HEATR5B: variants seen among roughly 807,000 people sequenced by gnomAD.
HEATR5B encodes the protein HEAT repeat containing 5B.
Under a neutral mutation model 224.1 loss-of-function variants are expected in HEATR5B, and 156 were observed. The ratio of observed to expected loss-of-function variants is 0.70; its 90% confidence interval spans 0.61 to 0.80. The LOEUF (loss-of-function observed/expected upper bound fraction) is 0.80. Among genes scored for constraint, HEATR5B ranks in the 30% least tolerant of loss-of-function variants. The pLI is 0.00. For synonymous variants in HEATR5B, 1,027 were observed against 893.0 expected, an observed-to-expected ratio of 1.15 and a Z score of -2.68; for missense variants, 2,323 against 2,535.5, an observed-to-expected ratio of 0.92 and a Z score of 1.80.
chr2:37,006,996 GAT>G, intron 29 of HEATR5B, 52 bp downstream of exon 29: 1 of 1,548,152 alleles, frequency 6.5e-7, no homozygotes, highest in Non-Finnish European at 8.9e-7. Context: ...TAAAATGAAA[GAT>G]ATGAATTTTC....
At position 36,981,361 on chromosome 2, in the gene HEATR5B, C is replaced by G. The variant is rs1665569998; in HGVS notation, c.*129G>C. 3.4e-6 allele frequency: 2 copies of G among 590,936 alleles called. No homozygotes were observed. The highest frequency in any genetic ancestry group is 6.4e-5 in the South Asian group (2 of 31,176). The allele number at this position is 590,936 out of a possible 1,614,324, so 36.6% of individuals were successfully genotyped here. A position where few individuals can be genotyped will look rare whatever the true frequency, so the allele number is the denominator to read the frequency against. ...GTGGTGTGAGCATTATTTCACTTAA[C>G]CTACTTGGAAGCACTATAATACCAA... is the stretch of plus-strand genomic sequence containing the variant. On this transcript the variant is annotated 3_prime_UTR_variant, in exon 36 of 36. Coordinates refer to ENST00000233099, the MANE Select transcript of HEATR5B (RefSeq NM_019024.3).
At chr2:37,051,341 C>T (rs372973319) in intron 17 of HEATR5B, among the ~76,000 whole-genome samples, 10 of 104,622 alleles carry the variant, frequency 9.6e-5, no homozygotes, top group African/African-American at 3.2e-4. Flanking sequence ...GGCAACAGGG[C>T]GAAACTCCAT....
intron 26 of HEATR5B, among the ~76,000 whole-genome samples, chr2:37,018,174 T>C (rs900145371): frequency 1.4e-5 from 2 of 147,606 alleles, no homozygotes; most frequent in Non-Finnish European, 3.0e-5. Context: ...AGCCTGCCAC[T>C]AGAAAAAAAA....
intron 33 of HEATR5B, among the ~76,000 whole-genome samples, chr2:36,998,967 C>A (rs1204843563): frequency 1.3e-5 from 2 of 152,094 alleles, no homozygotes; most frequent in Non-Finnish European, 2.9e-5. Context: ...GTAATCCCAG[C>A]ACTTTGGGAG....
Position 37,081,335 on chromosome 2 carries a change from AC to A in HEATR5B, c.126+1953del, listed in dbSNP as rs58004015. On this transcript the variant is annotated intron_variant, in intron 2 of 35. Coordinates refer to ENST00000233099, the MANE Select transcript of HEATR5B (RefSeq NM_019024.3). ...TGCTGCACCCATTAACTCGTCATTT[AC>A]ATTAGGTCATGCATTGACTGTTTCT... Among the ~76,000 whole-genome samples, 292 of 152,294 alleles carry A rather than the reference AC, an allele frequency of 1.9e-3. 1 individual carries two copies. Among genetic ancestry groups the A allele is most frequent in the African/African-American group, 6.9e-3 (286 of 41,550 alleles).
At position 37,007,162 on chromosome 2, in the gene HEATR5B, T is replaced by C. The variant is rs139744426; in HGVS notation, c.4665A>G (p.Ile1555Met). ...TCSESTEAAA[I>M]SGLQKRSTSV... is the part of the protein sequence containing the mutation. ...ATGTAGAACGTTTTTGTAAACCAGA[T>C]ATTGCTGCTGCTTCTGTAGACTCTG... The change falls in exon 29 of 36, where the codon ATA (isoleucine) becomes ATG (methionine). Residue 1555 changes from isoleucine to methionine, a missense_variant. This residue lies in a region of HEATR5B where 844 missense variants were observed against 812.9 expected (regional missense o/e 1.04). Transcript: ENST00000233099. The C allele has an allele frequency of 5.3e-5, 86 of 1,614,158 alleles. 1 individual carries two copies. In the African/African-American group the frequency reaches 1.0e-3, roughly 19 times the overall value.
At chr2:37,014,196 C>T (rs1424171193) in intron 26 of HEATR5B, among the ~76,000 whole-genome samples, 176 bp from the exon 27 acceptor site, 1 of 152,110 alleles carries the variant, frequency 6.6e-6, no homozygotes, top group East Asian at 1.9e-4. Flanking sequence ...GAGTTTTGCT[C>T]TGTCACCCAG....
At chr2:37,024,398 C>T (rs1029313987) in intron 24 of HEATR5B, among the ~76,000 whole-genome samples, 4 of 152,142 alleles carry the variant, frequency 2.6e-5, no homozygotes, top group Non-Finnish European at 1.5e-5. Context: ...TAAGTGGTCT[C>T]ACACAAAAAT....
chr2:36,990,046 C>A (rs779685211), intron 34 of HEATR5B, among the ~76,000 whole-genome samples: 1 of 151,672 alleles, frequency 6.6e-6, no homozygotes, highest in Non-Finnish European at 1.5e-5. Flanking sequence ...GGATTACAGG[C>A]GCATGCCACC....
At chr2:37,054,697 G>C (rs1188429387) in intron 16 of HEATR5B, among the ~76,000 whole-genome samples, 1 of 151,784 alleles carries the variant, frequency 6.6e-6, no homozygotes, top group East Asian at 1.9e-4. Context: ...TGGCCAGGCT[G>C]GTCTCAAACT....
intron 33 of HEATR5B, among the ~76,000 whole-genome samples, chr2:36,997,452 G>A (rs1318448809): frequency 6.6e-6 from 1 of 152,044 alleles, no homozygotes; most frequent in Non-Finnish European, 1.5e-5. Flanking sequence ...GCCTCCCAAA[G>A]GGCTGGGATT....
chr2:37,042,889 CAAAA>C (rs373043531), intron 18 of HEATR5B, among the ~76,000 whole-genome samples: 1 of 80,710 alleles, frequency 1.2e-5, no homozygotes, highest in African/African-American at 5.7e-5. Context: ...GACTCTGTCT[CAAAA>C]AAAAAAAAAA....
At chr2:37,014,308 C>T (rs536243899) in intron 26 of HEATR5B, among the ~76,000 whole-genome samples, 3 of 151,804 alleles carry the variant, frequency 2.0e-5, no homozygotes, top group African/African-American at 7.2e-5. Flanking sequence ...ACTACAGGCG[C>T]GTGCCACCAC....
chr2:37,056,041 G>C (rs1340876806), intron 16 of HEATR5B, among the ~76,000 whole-genome samples: 4 of 152,062 alleles, frequency 2.6e-5, no homozygotes, highest in African/African-American at 9.7e-5. Flanking sequence ...CAACAACAAA[G>C]TCAACAGGCT....
At chr2:37,032,235 A>T (rs1234196367) in intron 22 of HEATR5B, among the ~76,000 whole-genome samples, 4 of 151,986 alleles carry the variant, frequency 2.6e-5, no homozygotes, top group Non-Finnish European at 4.4e-5. Context: ...AAATCTAGTC[A>T]CTCACACCCA....
intron 15 of HEATR5B, 107 bp downstream of exon 15, chr2:37,057,210 A>ATGGGGAT (rs1474724035): frequency 5.2e-6 from 4 of 763,760 alleles, no homozygotes; most frequent in African/African-American, 1.8e-5. Flanking sequence ...AGAACACTAA[A>ATGGGGAT]TGGGGATTAA....
intron 21 of HEATR5B, among the ~76,000 whole-genome samples, chr2:37,036,654 G>A (rs1264311639): frequency 1.3e-5 from 2 of 151,826 alleles, no homozygotes; most frequent in Non-Finnish European, 2.9e-5. Flanking sequence ...TGAGATTATA[G>A]GCACCCGCCA....
In HEATR5B at chr2:37,032,500, A is replaced by G. The variant is rs991534825; in HGVS notation, c.3361+129T>C. ...CCACATTGGAATTTTAAAAGTGGTA[A>G]TGGTTTTATTTCAAAGAATAAGACA... On this transcript the variant is annotated intron_variant, in intron 22 of 35. Transcript: ENST00000233099. 13 of 842,136 alleles carry G rather than the reference A, an allele frequency of 1.5e-5. No homozygotes were observed. The African/African-American group carries it at 1.9e-4, about 12-fold the overall frequency. 52.2% of individuals were successfully genotyped at this position (842,136 alleles called of 1,614,324 possible).
intron 2 of HEATR5B, among the ~76,000 whole-genome samples, chr2:37,080,640 GT>G (rs1672498011): frequency 6.6e-6 from 1 of 152,154 alleles, no homozygotes; most frequent in Non-Finnish European, 1.5e-5. Context: ...CAAGAATTTG[GT>G]TTGGGTATGT....
Sources: allele counts gnomAD v4.1 joint callset (sites outside exome capture counted in the v4.1 genomes callset), GRCh38; gene constraint gnomAD v4.1.1; regional missense constraint gnomAD v4.1.1; transcripts MANE v1.5; gene names NCBI Gene and HGNC (gene_info 2026-07-23, HGNC 2026-07-21).